The following LYPLAL1 variants were observed in gnomAD, a reference collection of about 807,000 sequenced individuals.
The protein encoded by LYPLAL1 is lysophospholipase like 1, also known as lysophospholipase-like protein 1.
Under a neutral mutation model 19.7 loss-of-function variants are expected in LYPLAL1, and 23 were observed. That is an observed-to-expected ratio of 1.17 (90% confidence interval 0.84 to 1.65). LYPLAL1 has a LOEUF of 1.65. Among genes scored for constraint, LYPLAL1 ranks in the 40% most tolerant of loss-of-function variants. The pLI is 0.00. For missense variants in LYPLAL1, 355 were observed against 279.4 expected (o/e 1.27, Z -1.93); for synonymous variants, 119 against 96.3 (o/e 1.24, Z -1.38).
the LYPLAL1 span, among the ~76,000 whole-genome samples, chr1:219,265,572 CA>C: frequency 1.3e-5 from 2 of 152,114 alleles, no homozygotes; most frequent in Non-Finnish European, 2.9e-5. Flanking sequence ...ATTTTAATAA[CA>C]TTAGCATTTT....
the LYPLAL1 span, among the ~76,000 whole-genome samples, chr1:219,356,689 G>A: frequency 1.3e-5 from 2 of 152,152 alleles, no homozygotes; most frequent in Non-Finnish European, 2.9e-5. Flanking sequence ...AACATTTAAA[G>A]GTAATTGTAG....
chr1:219,176,845 TCAAGAAATATA>T (rs1339996659), intron 1 of LYPLAL1, among the ~76,000 whole-genome samples: 3 of 152,184 alleles, frequency 2.0e-5, no homozygotes, highest in African/African-American at 7.2e-5. Flanking sequence ...ATCCATTCAT[TCAAGAAATATA>T]TCACAGCCTC....
At chr1:219,378,597 G>T in the LYPLAL1 span, among the ~76,000 whole-genome samples, 2 of 152,196 alleles carry the variant, frequency 1.3e-5, no homozygotes, top group Admixed American at 1.3e-4. Context: ...AGAAAATGGG[G>T]GTCAGGGGAG....
the LYPLAL1 span, among the ~76,000 whole-genome samples, chr1:219,413,482 T>A: frequency 6.6e-6 from 1 of 152,178 alleles, no homozygotes; most frequent in Non-Finnish European, 1.5e-5. Flanking sequence ...AGATAACTCC[T>A]AATATCTTTT....
the LYPLAL1 span, among the ~76,000 whole-genome samples, chr1:219,229,046 G>T: frequency 6.6e-6 from 1 of 151,942 alleles, no homozygotes; most frequent in Non-Finnish European, 1.5e-5. Flanking sequence ...GATATTACTA[G>T]TATTCCCATT....
chr1:219,280,271 A>G, the LYPLAL1 span, among the ~76,000 whole-genome samples: 74,038 of 152,032 alleles, frequency 0.49, 18,221 homozygotes, highest in Non-Finnish European at 0.53. Flanking sequence ...GATAATACGT[A>G]TTATATAAAG....
At chr1:219,310,407 T>C in the LYPLAL1 span, among the ~76,000 whole-genome samples, 1 of 152,154 alleles carries the variant, frequency 6.6e-6, no homozygotes, top group South Asian at 2.1e-4. Flanking sequence ...AGATTGGAAT[T>C]TGTGGGTTTG....
At chr1:219,385,721 G>T in the LYPLAL1 span, among the ~76,000 whole-genome samples, 2 of 151,962 alleles carry the variant, frequency 1.3e-5, no homozygotes, top group Non-Finnish European at 2.9e-5. Flanking sequence ...GGAACAAGAG[G>T]GTAAAGAAAT....
At chr1:219,256,955 T>A in the LYPLAL1 span, among the ~76,000 whole-genome samples, 1 of 152,064 alleles carries the variant, frequency 6.6e-6, no homozygotes, top group Non-Finnish European at 1.5e-5. Flanking sequence ...TTAAAACTCA[T>A]TGAAGCTTGC....
At chr1:219,295,108 A>G in the LYPLAL1 span, among the ~76,000 whole-genome samples, 37 of 152,286 alleles carry the variant, frequency 2.4e-4, no homozygotes, top group African/African-American at 8.4e-4. Flanking sequence ...CATCCACTAC[A>G]GACTTAGTGA....
intron 4 of LYPLAL1, among the ~76,000 whole-genome samples, chr1:219,210,935 A>T (rs1448739746): frequency 6.6e-6 from 1 of 152,146 alleles, no homozygotes; most frequent in East Asian, 1.9e-4. Flanking sequence ...AATTTTATAC[A>T]TATTAAAACT....
At chr1:219,365,960 A>G in the LYPLAL1 span, among the ~76,000 whole-genome samples, 1 of 152,270 alleles carries the variant, frequency 6.6e-6, no homozygotes, top group African/African-American at 2.4e-5. Flanking sequence ...AAGATGATTG[A>G]CTATCTTTTA....
chr1:219,244,927 A>AAC, the LYPLAL1 span, among the ~76,000 whole-genome samples: 1 of 150,290 alleles, frequency 6.7e-6, no homozygotes, highest in Admixed American at 6.6e-5. Context: ...AAAAAAAAAA[A>AAC]CAAAAAACAC....
chr1:219,434,181 T>C, the LYPLAL1 span, among the ~76,000 whole-genome samples: 3 of 152,196 alleles, frequency 2.0e-5, no homozygotes, highest in African/African-American at 7.2e-5. Context: ...AAATAGAGTA[T>C]TGCTGTTTTC....
At chr1:219,393,705 ACT>A in the LYPLAL1 span, among the ~76,000 whole-genome samples, 1 of 151,806 alleles carries the variant, frequency 6.6e-6, no homozygotes, top group Non-Finnish European at 1.5e-5. Flanking sequence ...TCATTTCAAA[ACT>A]GTTTTTCAGT....
the LYPLAL1 span, among the ~76,000 whole-genome samples, chr1:219,402,550 T>G: frequency 2.6e-5 from 4 of 151,856 alleles, no homozygotes; most frequent in African/African-American, 7.2e-5. Flanking sequence ...ACCAGTATAT[T>G]GACTTCTGGT....
the LYPLAL1 span, among the ~76,000 whole-genome samples, chr1:219,259,686 T>G: frequency 6.6e-6 from 1 of 151,312 alleles, no homozygotes; most frequent in African/African-American, 2.4e-5. Flanking sequence ...ACCCTGGGTA[T>G]AGGGTACACT....
chr1:219,438,390 G>A, the LYPLAL1 span, among the ~76,000 whole-genome samples: 4 of 152,128 alleles, frequency 2.6e-5, no homozygotes, highest in South Asian at 2.1e-4. Flanking sequence ...TGGAATCCAC[G>A]AAATTTGTCC....
At chr1:219,174,128 C>T in intron 1 of LYPLAL1, 147 bp downstream of exon 1, 2 of 1,459,942 alleles carry the variant, frequency 1.4e-6, no homozygotes, top group Non-Finnish European at 1.8e-6. Context: ...GCTGTAGATG[C>T]ACGGGCAGCG....
Sources: allele counts gnomAD v4.1 joint callset (sites outside exome capture counted in the v4.1 genomes callset), GRCh38; gene constraint gnomAD v4.1.1; transcripts MANE v1.5; gene names NCBI Gene and HGNC (gene_info 2026-07-23, HGNC 2026-07-21).